The following PARD3 variants were observed in gnomAD, a reference collection of about 807,000 sequenced individuals.
PARD3 encodes the protein partitioning defective 3 homolog.
PARD3 carries 75 observed loss-of-function variants against 155.4 expected under a neutral mutation model. The ratio of observed to expected loss-of-function variants is 0.48; its 90% CI spans 0.40 to 0.58. PARD3 has a LOEUF of 0.58. PARD3 is among the 20% of genes least tolerant of loss of function. The pLI is 0.00. For missense variants in PARD3, 1,642 were observed against 1,721.7 expected, an observed-to-expected ratio of 0.95 and a Z score of 0.82; for synonymous variants, 576 against 610.5, an observed-to-expected ratio of 0.94 and a Z score of 0.83.
rs965285734 is a variant in PARD3 at position 34,171,903 on chromosome 10, CTGAG to C, written c.3420-40324_3420-40321del. Among the ~76,000 whole-genome samples, 102 of 125,022 alleles carry C rather than the reference CTGAG, an allele frequency of 8.2e-4. 1 individual carries two copies. Among genetic ancestry groups the C allele is most frequent in the African/African-American group, 2.9e-3 (96 of 32,924 alleles). The allele number at this position is 125,022 out of a possible 152,430, so 82.0% of individuals were successfully genotyped here. A position where few individuals can be genotyped will look rare whatever the true frequency, so the allele number is the denominator to read the frequency against. ...AGGTGGAGGTTTCAGTGAGTCAAGA[CTGAG>C]CCACGGCATTCCAGCCTGGGTGACA... On this transcript the variant is annotated intron_variant, in intron 22 of 24. Coordinates refer to ENST00000374788, the MANE Select transcript of PARD3 (RefSeq NM_001184785.2).
intron 3 of PARD3, among the ~76,000 whole-genome samples, chr10:34,513,937 C>T (rs1372824911): frequency 1.3e-5 from 2 of 152,076 alleles, no homozygotes; most frequent in African/African-American, 4.8e-5. Context: ...GGGGAGAAAA[C>T]ACTTCTGAGG....
At chr10:34,209,335 T>G (rs1423826816) in intron 22 of PARD3, among the ~76,000 whole-genome samples, 1 of 152,220 alleles carries the variant, frequency 6.6e-6, no homozygotes, top group Non-Finnish European at 1.5e-5. Flanking sequence ...CCAAGGATTC[T>G]TTTAATGTCA....
rs114127403 is a variant in PARD3 at position 34,463,887 on chromosome 10, A to G, written c.582+6198T>C. On this transcript the variant is annotated intron_variant, in intron 4 of 24. Transcript: ENST00000374788. The stretch of plus-strand genomic sequence containing the variant: ...TATTCAGTATAGCTACATGCTATAT[A>G]GGTTTCCAGCCTAGAAGAACAGGAT... 1.0e-2 allele frequency among the ~76,000 whole-genome samples: 1,515 copies of G among 151,960 alleles called. 25 individuals are homozygous for G. The highest frequency in any genetic ancestry group is 0.034 in the African/African-American group (1,400 of 41,542).
At chr10:34,396,682 A>G (rs1379498773) in intron 7 of PARD3, among the ~76,000 whole-genome samples, 2 of 152,174 alleles carry the variant, frequency 1.3e-5, no homozygotes, top group Non-Finnish European at 2.9e-5. Flanking sequence ...AAGGCCCAAG[A>G]ATGACTGGAG....
At chr10:34,193,037 G>A (rs1950783689) in intron 22 of PARD3, among the ~76,000 whole-genome samples, 1 of 152,170 alleles carries the variant, frequency 6.6e-6, no homozygotes, top group Non-Finnish European at 1.5e-5. Flanking sequence ...GAAGGAAATG[G>A]AAGTACTGCT....
intron 3 of PARD3, among the ~76,000 whole-genome samples, chr10:34,488,319 T>C (rs1254404939): frequency 4.0e-5 from 6 of 151,846 alleles, no homozygotes; most frequent in African/African-American, 1.4e-4. Flanking sequence ...ATTTATTTAT[T>C]TTTATTTATT....
intron 1 of PARD3, among the ~76,000 whole-genome samples, chr10:34,769,808 A>AT (rs201532121): frequency 6.6e-6 from 1 of 150,798 alleles, no homozygotes; most frequent in Non-Finnish European, 1.5e-5. Flanking sequence ...ACAAAACAAA[A>AT]AAAAAAACAA....
At chr10:34,535,527 C>T (rs550078817) in intron 2 of PARD3, among the ~76,000 whole-genome samples, 1 of 152,266 alleles carries the variant, frequency 6.6e-6, no homozygotes, top group Admixed American at 6.5e-5. Flanking sequence ...CACTCTGTCG[C>T]CCAGGCTGGA....
At chr10:34,240,037 A>G (rs557246942) in intron 22 of PARD3, among the ~76,000 whole-genome samples, 69 of 152,332 alleles carry the variant, frequency 4.5e-4, no homozygotes, top group African/African-American at 1.6e-3. Context: ...CCTATGTGAC[A>G]GGAACATTCT....
chr10:34,211,911 C>A (rs1290981990), intron 22 of PARD3, among the ~76,000 whole-genome samples: 2 of 152,166 alleles, frequency 1.3e-5, no homozygotes, highest in African/African-American at 4.8e-5. Flanking sequence ...CTTCCCAAGG[C>A]TCTTTCTGGT....
chr10:34,741,055 T>C (rs1280882547), intron 1 of PARD3, among the ~76,000 whole-genome samples: 6 of 152,092 alleles, frequency 3.9e-5, no homozygotes, highest in Non-Finnish European at 8.8e-5. Context: ...GGCCTATTTG[T>C]GGGTGAACAG....
At chr10:34,263,422 T>C (rs1033310784) in intron 22 of PARD3, among the ~76,000 whole-genome samples, 1 of 151,898 alleles carries the variant, frequency 6.6e-6, no homozygotes, top group Non-Finnish European at 1.5e-5. Flanking sequence ...TATGGGAGGC[T>C]GAGGCAGGTG....
At chr10:34,692,233 A>T (rs1175892025) in intron 2 of PARD3, among the ~76,000 whole-genome samples, 2 of 704 alleles carry the variant, frequency 2.8e-3, no homozygotes, top group South Asian at 0.14. Flanking sequence ...ACTTCATTTC[A>T]AAAAAAAAAA....
chr10:34,735,919 C>T (rs1019481096), intron 1 of PARD3, among the ~76,000 whole-genome samples: 1 of 152,184 alleles, frequency 6.6e-6, no homozygotes, highest in Admixed American at 6.5e-5. Flanking sequence ...AAAATAGAGT[C>T]TCACTCTGTT....
chr10:34,765,659 C>G (rs551696948), intron 1 of PARD3, among the ~76,000 whole-genome samples: 134 of 144,946 alleles, frequency 9.2e-4, no homozygotes, highest in South Asian at 5.2e-3. Flanking sequence ...GCCTGGGCAA[C>G]AGAGTAAGAC....
chr10:34,658,011 T>C (rs1329130102), intron 2 of PARD3, among the ~76,000 whole-genome samples: 2 of 152,048 alleles, frequency 1.3e-5, no homozygotes, highest in Non-Finnish European at 2.9e-5. Flanking sequence ...CCGGGCGTGG[T>C]TGCAGGCACC....
intron 2 of PARD3, among the ~76,000 whole-genome samples, chr10:34,542,668 C>T (rs1564826634): frequency 6.6e-6 from 1 of 152,168 alleles, no homozygotes; most frequent in Non-Finnish European, 1.5e-5. Context: ...ACAGTAGCCT[C>T]TTAATGGGCA....
chr10:34,224,601 T>G (rs1952493070), intron 22 of PARD3, among the ~76,000 whole-genome samples: 2 of 152,170 alleles, frequency 1.3e-5, no homozygotes, highest in Non-Finnish European at 2.9e-5. Flanking sequence ...ACCTGTGAAG[T>G]AGGAAAACTT....
intron 1 of PARD3, among the ~76,000 whole-genome samples, chr10:34,777,413 T>A (rs1406556757): frequency 1.3e-5 from 2 of 151,746 alleles, no homozygotes; most frequent in Non-Finnish European, 2.9e-5. Context: ...CACATATGTG[T>A]CTCCTACTCC....
Sources: allele counts gnomAD v4.1 joint callset (sites outside exome capture counted in the v4.1 genomes callset), GRCh38; gene constraint gnomAD v4.1.1; transcripts MANE v1.5; gene names NCBI Gene and HGNC (gene_info 2026-07-23, HGNC 2026-07-21).